ALDH2: variants seen among roughly 807,000 people sequenced by gnomAD.
The protein encoded by ALDH2 is aldehyde dehydrogenase 2 family member.
In ALDH2, 44 loss-of-function variants were observed where a neutral mutation model predicts 59.6. The observed-to-expected ratio is 0.74, with a 90% CI of 0.58 to 0.95. The LOEUF (loss-of-function observed/expected upper bound fraction) is 0.95. ALDH2 is among the 40% of genes least tolerant of loss of function. The probability of loss-of-function intolerance (pLI) is 0.00; values close to 1 mark genes in which losing one functional copy is unlikely to be tolerated. For synonymous variants in ALDH2, 291 were observed against 284.0 expected (o/e 1.02, Z -0.25); for missense variants, 570 against 696.3 (o/e 0.82, Z 2.04).
rs1298321856 is a variant in ALDH2 at position 111,815,573 on chromosome 12, T to G, written c.*5998T>G. 5 of 152,144 alleles carry G rather than the reference T, an allele frequency of 3.3e-5. 1 individual carries two copies. In the East Asian group the frequency reaches 9.6e-4, roughly 29 times the overall value. 9.4% of individuals were successfully genotyped at this position (152,144 alleles called of 1,614,324 possible). ...ACCTACAGCCATCTATGACTCCTAC[T>G]GTATCTTCCATGCCAGGAGTAAGGG... On this transcript the variant is annotated 3_prime_UTR_variant, in exon 13 of 13. Coordinates refer to ENST00000261733, the MANE Select transcript of ALDH2 (RefSeq NM_000690.4).
At position 111,800,052 on chromosome 12, in the gene ALDH2, G is replaced by T. The variant is rs778990792; in HGVS notation, c.1395G>T (p.Ala465=). Residue 465 remains alanine (A), a synonymous_variant, in exon 11 of 13, where the codon GCG becomes GCT. Transcript: ENST00000261733. ...ATTACCTGTCCCAGGCCCTCCAGGC[G>T]GGCACTGTGTGGTAAGAGCCTCCCA... is the stretch of plus-strand genomic sequence containing the variant. ...KANYLSQALQ[A]GTVWVNCYDV... 6.2e-7 allele frequency: 1 copy of T among 1,612,190 alleles called. No individual in the cohort carries two copies. The highest frequency in any genetic ancestry group is 8.5e-7 in the Non-Finnish European group (1 of 1,179,528).
At chr12:111,770,228 C>A (rs1287073293) in intron 1 of ALDH2, among the ~76,000 whole-genome samples, 2 of 152,158 alleles carry the variant, frequency 1.3e-5, no homozygotes, top group Non-Finnish European at 2.9e-5. Flanking sequence ...GCTTCTGCAG[C>A]CACAGGCAGT....
chr12:111,784,799 A>G (rs1033326657), intron 3 of ALDH2, among the ~76,000 whole-genome samples: 3 of 152,172 alleles, frequency 2.0e-5, no homozygotes. Flanking sequence ...TTTTTGATAA[A>G]GTCAAGGTTT....
intron 1 of ALDH2, among the ~76,000 whole-genome samples, chr12:111,781,454 TGTG>T (rs1330915261): frequency 1.3e-5 from 2 of 152,202 alleles, no homozygotes; most frequent in Admixed American, 6.5e-5. Context: ...CAAGCAGCCA[TGTG>T]GTGCCAGACG....
At chr12:111,787,871 A>AAT (rs899924486) in intron 4 of ALDH2, among the ~76,000 whole-genome samples, 6 of 151,638 alleles carry the variant, frequency 4.0e-5, no homozygotes, top group African/African-American at 1.2e-4. Context: ...CTCTACTAAA[A>AAT]ATATATATAT....
chr12:111,788,288 C>G (rs558548685), intron 4 of ALDH2, among the ~76,000 whole-genome samples: 2 of 152,148 alleles, frequency 1.3e-5, no homozygotes, highest in Non-Finnish European at 2.9e-5. Context: ...CACGCCTCCC[C>G]GGGGACACTG....
At chr12:111,794,467 C>G (rs1300577000) in intron 9 of ALDH2, among the ~76,000 whole-genome samples, 2 of 152,130 alleles carry the variant, frequency 1.3e-5, no homozygotes, top group Non-Finnish European at 2.9e-5. Flanking sequence ...TGAGGATGGA[C>G]TGGCCTTGCC....
intron 9 of ALDH2, among the ~76,000 whole-genome samples, chr12:111,793,586 T>G (rs916594750): frequency 9.4e-5 from 9 of 96,228 alleles, no homozygotes; most frequent in Admixed American, 2.1e-4. Context: ...TATATTCGGG[T>G]TTTTTTTTTT....
intron 10 of ALDH2, among the ~76,000 whole-genome samples, chr12:111,799,636 C>T (rs1323523415): frequency 1.3e-5 from 2 of 152,120 alleles, no homozygotes; most frequent in African/African-American, 2.4e-5. Flanking sequence ...ACTAAATCTA[C>T]GTGTCACGTG....
At chr12:111,798,342 G>A in intron 10 of ALDH2, 100 bp downstream of exon 10, 2 of 1,329,510 alleles carry the variant, frequency 1.5e-6, no homozygotes, top group Non-Finnish European at 2.0e-6. Flanking sequence ...TGCTGGCTTG[G>A]GGCCAGATCT....
chr12:111,809,419 A>T (rs1444393782), intron 12 of ALDH2, 124 bp from the exon 13 acceptor site: 2 of 1,015,514 alleles, frequency 2.0e-6, no homozygotes, highest in Non-Finnish European at 3.0e-6. Flanking sequence ...GCACCCCTGT[A>T]CTCCAGTCTG....
intron 12 of ALDH2, among the ~76,000 whole-genome samples, chr12:111,809,331 T>C (rs998333614): frequency 6.6e-6 from 1 of 152,160 alleles, no homozygotes; most frequent in Non-Finnish European, 1.5e-5. Flanking sequence ...GGTGCATGCC[T>C]GTAGTCCCAG....
chr12:111,787,609 A>T (rs1379028801), intron 4 of ALDH2, among the ~76,000 whole-genome samples: 1 of 152,048 alleles, frequency 6.6e-6, no homozygotes. Flanking sequence ...ACAAGAAAAC[A>T]GTTGGGCCGG....
intron 1 of ALDH2, among the ~76,000 whole-genome samples, chr12:111,769,985 A>G (rs1346643817): frequency 5.9e-5 from 9 of 152,018 alleles, no homozygotes; most frequent in Non-Finnish European, 1.3e-4. Flanking sequence ...CTCTACTGAA[A>G]ATACAAAAAT....
chr12:111,800,138 C>T, intron 11 of ALDH2, 75 bp downstream of exon 11: 2 of 1,478,510 alleles, frequency 1.4e-6, no homozygotes, highest in Non-Finnish European at 1.8e-6. Context: ...ATCTGGTGGT[C>T]ACCATCCTGG....
rs985136814 is a variant in ALDH2 at position 111,817,191 on chromosome 12, G to A, written c.*7616G>A. ...TTGAATAGAACTATGCAAAGCTACA[G>A]AGGACATCACAACGGAAGTTATTAA... On this transcript the variant is annotated 3_prime_UTR_variant, in exon 13 of 13. Coordinates refer to ENST00000261733, the MANE Select transcript of ALDH2 (RefSeq NM_000690.4). 8.5e-5 allele frequency: 13 copies of A among 152,180 alleles called. No homozygotes were observed. Among genetic ancestry groups the A allele is most frequent in the Non-Finnish European group, 1.9e-4 (13 of 68,036 alleles). 9.4% of individuals were successfully genotyped at this position (152,180 alleles called of 1,614,324 possible).
At chr12:111,786,628 G>A (rs1316829693) in intron 4 of ALDH2, among the ~76,000 whole-genome samples, 1 of 151,664 alleles carries the variant, frequency 6.6e-6, no homozygotes, top group Non-Finnish European at 1.5e-5. Context: ...TCACTGCAGT[G>A]TTGACCTTCT....
At chr12:111,789,722 G>A in intron 4 of ALDH2, 101 bp from the exon 5 acceptor site, 1 of 997,158 alleles carries the variant, frequency 1.0e-6, no homozygotes, top group South Asian at 1.5e-5. Context: ...ACAGTTTTCA[G>A]AAAGACTCAG....
chr12:111,801,417 G>A (rs1440115602), intron 11 of ALDH2, among the ~76,000 whole-genome samples: 2 of 152,180 alleles, frequency 1.3e-5, no homozygotes, highest in African/African-American at 2.4e-5. Context: ...AACCCAGACT[G>A]TCTGGGTGCG....
Sources: gnomAD v4.1 joint callset for allele counts (sites outside exome capture counted in the v4.1 genomes callset) on GRCh38, gnomAD v4.1.1 for gene constraint, MANE v1.5 for transcripts, NCBI Gene and HGNC (gene_info 2026-07-23, HGNC 2026-07-21) for gene names.